Variants in ATRX observed in about 807,000 individuals in gnomAD.
The protein encoded by ATRX is chromatin remodeler ATRX.
ATRX carries 12 observed loss-of-function variants against 172.6 expected under a neutral mutation model. The observed-to-expected ratio is 0.07, with a 90% confidence interval of 0.04 to 0.11. The LOEUF (loss-of-function observed/expected upper bound fraction) is 0.11. Ranked by LOEUF, ATRX falls within the 10% of genes least tolerant of loss-of-function variation. ATRX has a pLI of 1.00. For synonymous variants in ATRX, 674 were observed against 594.7 expected (o/e 1.13, Z -1.94); for missense variants, 1,368 against 1,767.4 (o/e 0.77, Z 4.05).
intron 1 of ATRX, among the ~76,000 whole-genome samples, chrX:77,733,838 A>G (rs1026673652): frequency 2.9e-5 from 3 of 104,362 alleles, no homozygotes; most frequent in Admixed American, 2.1e-4. Flanking sequence ...GAGGGGAGAT[A>G]GCACCACTGC....
chrX:77,656,451 T>C (rs2148460049), intron 13 of ATRX, 109 bp downstream of exon 13: 1 of 575,530 alleles, frequency 1.7e-6, no homozygotes, highest in East Asian at 3.6e-5. Context: ...ATCAAAATAT[T>C]ATATATCACA....
rs151194199 is a variant in ATRX, at chrX:77,707,221, G to A, written c.134-8592C>T. 6.4e-3 allele frequency among the ~76,000 whole-genome samples: 713 copies of A among 112,024 alleles called. 11 individuals are homozygous for A. The highest frequency in any genetic ancestry group is 0.049 in the East Asian group (175 of 3,542). ...TGCAAGGCTAAGGAGAGGGAAGATTGGGGAGTTAGTATGTGATGGGTACAG... is the reference window on the plus strand; with the variant it reads ...TGCAAGGCTAAGGAGAGGGAAGATTAGGGAGTTAGTATGTGATGGGTACAG... On this transcript the variant is annotated intron_variant, in intron 2 of 34. Transcript: ENST00000373344.
chrX:77,525,964 T>C (rs782078497), intron 30 of ATRX, among the ~76,000 whole-genome samples: 1 of 112,279 alleles, frequency 8.9e-6, no homozygotes, highest in Non-Finnish European at 1.9e-5. Flanking sequence ...CAAACTCATA[T>C]ACAGCCTTTT....
intron 1 of ATRX, among the ~76,000 whole-genome samples, chrX:77,726,485 AG>A (rs1382727001): frequency 3.2e-5 from 1 of 31,459 alleles, no homozygotes; most frequent in Non-Finnish European, 5.6e-5. Flanking sequence ...GGGTGGGGGG[AG>A]GGGGGAGGGA....
At position 77,751,048 on chromosome X, in the gene ATRX, A is replaced by G. The variant is rs181616162; in HGVS notation, c.21-33805T>C. Among the ~76,000 whole-genome samples, 930 of 111,894 alleles carry G rather than the reference A, an allele frequency of 8.3e-3. 9 individuals carry two copies. Among genetic ancestry groups the G allele is most frequent in the African/African-American group, 0.028 (868 of 30,832 alleles). On this transcript the variant is annotated intron_variant, in intron 1 of 34. Transcript: ENST00000373344. ...ATAATCCTTTGGGTATATACCCAGTAATGGGATTGCTGGGTCAAATTGTAT... is the reference window on the plus strand; with the variant it reads ...ATAATCCTTTGGGTATATACCCAGTGATGGGATTGCTGGGTCAAATTGTAT...
intron 10 of ATRX, among the ~76,000 whole-genome samples, chrX:77,672,431 T>C (rs148206237): frequency 3.5e-3 from 383 of 110,182 alleles, no homozygotes; most frequent in African/African-American, 0.012. Context: ...TAGGCATAAA[T>C]AACATCCAGA....
intron 10 of ATRX, chrX:77,675,178 T>C (rs964341059): frequency 8.9e-6 from 1 of 112,110 alleles, no homozygotes; most frequent in Non-Finnish European, 1.9e-5. Context: ...TATTTTTATG[T>C]TTTCTTAATG....
At chrX:77,739,027 T>C (rs2074734254) in intron 1 of ATRX, among the ~76,000 whole-genome samples, 2 of 111,367 alleles carry the variant, frequency 1.8e-5, no homozygotes, top group Non-Finnish European at 3.8e-5. Context: ...GAATACGTGG[T>C]ATTTGGTTAC....
chrX:77,773,624 C>T (rs782360708), intron 1 of ATRX, among the ~76,000 whole-genome samples: 10 of 110,012 alleles, frequency 9.1e-5, no homozygotes, highest in South Asian at 3.9e-4. Flanking sequence ...TGGTGGTGCA[C>T]GCCTGTAGTC....
chrX:77,582,143 T>C (rs2065844505), intron 27 of ATRX, among the ~76,000 whole-genome samples: 1 of 111,432 alleles, frequency 9.0e-6, no homozygotes, highest in African/African-American at 3.3e-5. Flanking sequence ...CTCATGCCTG[T>C]AATGACAGCA....
chrX:77,683,766 T>G lies in ATRX; in HGVS notation c.1490A>C (p.Asp497Ala). ...KSTGGEHKKS[D>A]RKEEPQYEPA... ...TTCATATTGAGGTTCTTCTTTTCTA[T>G]CAGATTTCTTATGTTCACCACCGGT... is the stretch of plus-strand genomic sequence containing the variant. The change falls in exon 9 of 35, where the codon GAT becomes GCT. Residue 497 changes from aspartate to alanine, a missense_variant. Asp to Ala is a moderately radical substitution (Grantham distance 126). Transcript: ENST00000373344. 4 of 1,210,677 alleles carry G rather than the reference T, an allele frequency of 3.3e-6. No homozygotes were observed. The highest frequency in any genetic ancestry group is 3.5e-5 in the South Asian group (2 of 56,981).
intron 30 of ATRX, among the ~76,000 whole-genome samples, chrX:77,551,695 G>A (rs1196984892): frequency 1.8e-5 from 2 of 111,846 alleles, no homozygotes; most frequent in African/African-American, 6.5e-5. Context: ...TATAGAATGG[G>A]AGAAAATTTT....
Position 77,654,184 on chromosome X carries a change from C to T in ATRX, c.4231G>A (p.Glu1411Lys). ...RPRTRSAKKA[E>K]LEENQRSYKQ... ...TAGCTCCGCTGATTTTCTTCCAACT[C>T]TGCTTTCTTTGCAGACCTGACGAAA... Residue 1411 changes from glutamate (E) to lysine (K), a missense_variant, in exon 14 of 35, where the codon GAG (glutamate) becomes AAG (lysine). Physicochemically the swap from Glu to Lys is moderately conservative, Grantham distance 56. Transcript: ENST00000373344. The T allele has an allele frequency of 2.5e-6, 3 of 1,209,324 alleles. No individual in the cohort carries two copies. Among genetic ancestry groups the T allele is most frequent in the Non-Finnish European group, 3.4e-6 (3 of 893,716 alleles).
intron 1 of ATRX, among the ~76,000 whole-genome samples, chrX:77,757,525 TAATA>T (rs1304779443): frequency 7.1e-5 from 8 of 112,043 alleles, no homozygotes; most frequent in Admixed American, 2.9e-4. Context: ...TCTAAATAGA[TAATA>T]AATAAAATAA....
At chrX:77,585,743 A>G (rs1372143821) in intron 27 of ATRX, among the ~76,000 whole-genome samples, 3 of 109,725 alleles carry the variant, frequency 2.7e-5, no homozygotes, top group Non-Finnish European at 5.7e-5. Context: ...GAGACAACCT[A>G]AGTGTCCATC....
intron 22 of ATRX, among the ~76,000 whole-genome samples, chrX:77,606,937 C>A (rs574147585): frequency 9.0e-6 from 1 of 111,149 alleles, no homozygotes; most frequent in African/African-American, 3.3e-5. Flanking sequence ...ATTCAACATC[C>A]CTTCATAATA....
At chrX:77,633,898 T>C (rs1557106880) in intron 17 of ATRX, 186 bp from the exon 18 acceptor site, 27 of 441,710 alleles carry the variant, frequency 6.1e-5, no homozygotes. Context: ...TATCAGGCTC[T>C]TCCAACTCTA....
At chrX:77,573,350 A>G (rs1318227733) in intron 28 of ATRX, among the ~76,000 whole-genome samples, 2 of 111,715 alleles carry the variant, frequency 1.8e-5, no homozygotes, top group African/African-American at 6.5e-5. Context: ...ACTCTATGAT[A>G]TTTGCATAGT....
intron 7 of ATRX, among the ~76,000 whole-genome samples, chrX:77,688,038 A>G (rs1232232993): frequency 3.6e-5 from 4 of 111,103 alleles, no homozygotes; most frequent in Non-Finnish European, 7.5e-5. Context: ...CCCGGGTTCA[A>G]GCGATTCTCC....
Sources: allele counts gnomAD v4.1 joint callset (sites outside exome capture counted in the v4.1 genomes callset), GRCh38; gene constraint gnomAD v4.1.1; transcripts MANE v1.5; gene names NCBI Gene and HGNC (gene_info 2026-07-23, HGNC 2026-07-21).